The following LSM12 variants were observed in gnomAD, a reference collection of about 807,000 sequenced individuals.
The protein encoded by LSM12 is protein LSM12.
For synonymous variants in LSM12, 74 were observed against 87.3 expected (o/e 0.85, Z 0.85); for missense variants, 108 against 238.9 (o/e 0.45, Z 3.61).
At chr17:44,047,069 A>G (rs2049579194) in intron 2 of LSM12, among the ~76,000 whole-genome samples, 2 of 151,980 alleles carry the variant, frequency 1.3e-5, no homozygotes, top group South Asian at 4.1e-4. Context: ...CTACTCACCA[A>G]CACTGGGTAC....
chr17:44,063,753 C>T, intron 2 of LSM12, 48 bp downstream of exon 2: 2 of 1,573,508 alleles, frequency 1.3e-6, no homozygotes, highest in Non-Finnish European at 1.7e-6. Flanking sequence ...CAATGAGACT[C>T]ATCTTTCCCA....
At chr17:44,049,287 T>C (rs995947542) in intron 2 of LSM12, among the ~76,000 whole-genome samples, 3 of 152,180 alleles carry the variant, frequency 2.0e-5, no homozygotes, top group Admixed American at 6.6e-5. Flanking sequence ...TTGTTTGTTT[T>C]TGTTTTTAAG....
chr17:44,041,789 G>C (rs2049498360), intron 2 of LSM12, among the ~76,000 whole-genome samples: 1 of 152,138 alleles, frequency 6.6e-6, no homozygotes, highest in African/African-American at 2.4e-5. Flanking sequence ...GTACAAATTT[G>C]TTTGAGTGTA....
chr17:44,054,132 T>A (rs1203533973), intron 2 of LSM12, among the ~76,000 whole-genome samples: 1 of 152,116 alleles, frequency 6.6e-6, no homozygotes. Flanking sequence ...GCCAAGAAGG[T>A]CCCCTTGGGA....
At position 44,036,086 on chromosome 17, in the gene LSM12, G is replaced by A. The variant is rs1229241652; in HGVS notation, c.*122C>T. On this transcript the variant is annotated 3_prime_UTR_variant, in exon 5 of 5. Transcript: ENST00000293406. Reference sequence around the variant, plus strand: ...TTCAAGTCTAAGATTTGGAAATGCTGACCCTTTGTTAAGAGCCAACAGGAC... The same window carrying A: ...TTCAAGTCTAAGATTTGGAAATGCTAACCCTTTGTTAAGAGCCAACAGGAC... The A allele has an allele frequency of 9.4e-6, 7 of 744,992 alleles. No individual in the cohort carries two copies. Among genetic ancestry groups the A allele is most frequent in the South Asian group, 1.9e-5 (1 of 51,642 alleles). 46.1% of individuals were successfully genotyped at this position (744,992 alleles called of 1,614,324 possible).
At chr17:44,053,897 GAA>G (rs1000235787) in intron 2 of LSM12, among the ~76,000 whole-genome samples, 1 of 152,094 alleles carries the variant, frequency 6.6e-6, no homozygotes, top group Non-Finnish European at 1.5e-5. Flanking sequence ...TTCTCTGCCA[GAA>G]AAAGTTTTAG....
intron 2 of LSM12, among the ~76,000 whole-genome samples, chr17:44,058,540 A>G (rs1445866456): frequency 6.6e-6 from 1 of 151,898 alleles, no homozygotes; most frequent in African/African-American, 2.4e-5. Flanking sequence ...TGTCTCTACA[A>G]AAAAAAACTA....
chr17:44,053,138 A>G (rs1411728339), intron 2 of LSM12, among the ~76,000 whole-genome samples: 1 of 152,036 alleles, frequency 6.6e-6, no homozygotes, highest in Non-Finnish European at 1.5e-5. Context: ...CTCCACTGTC[A>G]CATCTGAAGT....
chr17:44,048,190 A>T (rs1010060751), intron 2 of LSM12, among the ~76,000 whole-genome samples: 1 of 151,622 alleles, frequency 6.6e-6, no homozygotes, highest in Admixed American at 6.6e-5. Flanking sequence ...ACATAGAAAA[A>T]TTTTTTCCAG....
chr17:44,048,790 C>T (rs1454863844), intron 2 of LSM12, among the ~76,000 whole-genome samples: 1 of 152,154 alleles, frequency 6.6e-6, no homozygotes, highest in East Asian at 1.9e-4. Flanking sequence ...AAACACAGTC[C>T]TTGTATACTA....
intron 1 of LSM12, among the ~76,000 whole-genome samples, chr17:44,064,741 A>C (rs2049847414): frequency 2.0e-5 from 3 of 152,206 alleles, no homozygotes; most frequent in Non-Finnish European, 4.4e-5. Context: ...TCAAAAAAAA[A>C]AAAAAAAAAG....
intron 2 of LSM12, among the ~76,000 whole-genome samples, chr17:44,051,075 C>CAGA (rs1384912188): frequency 6.6e-6 from 1 of 151,976 alleles, no homozygotes; most frequent in Non-Finnish European, 1.5e-5. Context: ...AGATTGAGAC[C>CAGA]ATCTTGGCCA....
At chr17:44,042,231 G>A (rs1247736819) in intron 2 of LSM12, among the ~76,000 whole-genome samples, 2 of 151,796 alleles carry the variant, frequency 1.3e-5, no homozygotes, top group African/African-American at 4.8e-5. Flanking sequence ...AGACTGCAGT[G>A]AGCCGAGATT....
At chr17:44,057,210 C>A (rs1176181473) in intron 2 of LSM12, among the ~76,000 whole-genome samples, 1 of 148,122 alleles carries the variant, frequency 6.8e-6, no homozygotes, top group Admixed American at 6.7e-5. Context: ...AGTGCAGTGG[C>A]GCGATCTCAG....
chr17:44,057,013 G>A (rs1017147664), intron 2 of LSM12, among the ~76,000 whole-genome samples: 3 of 151,220 alleles, frequency 2.0e-5, no homozygotes, highest in Non-Finnish European at 3.0e-5. Context: ...AAAATAAGAC[G>A]GACGTGGTGG....
At chr17:44,060,219 T>C (rs2049778789) in intron 2 of LSM12, among the ~76,000 whole-genome samples, 1 of 152,162 alleles carries the variant, frequency 6.6e-6, no homozygotes, top group African/African-American at 2.4e-5. Flanking sequence ...TTCTCCAGAC[T>C]GCAAGCAACT....
intron 2 of LSM12, among the ~76,000 whole-genome samples, chr17:44,054,493 A>G (rs1286254402): frequency 6.6e-6 from 1 of 152,028 alleles, no homozygotes; most frequent in African/African-American, 2.4e-5. Flanking sequence ...TATTTTTTGT[A>G]CAGACAGGGT....
At chr17:44,064,664 C>T (rs2049845762) in intron 1 of LSM12, among the ~76,000 whole-genome samples, 2 of 147,356 alleles carry the variant, frequency 1.4e-5, no homozygotes, top group Non-Finnish European at 1.5e-5. Flanking sequence ...ACACGGGAGG[C>T]GGAGGTTGCA....
intron 1 of LSM12, among the ~76,000 whole-genome samples, chr17:44,065,186 G>T (rs1265417914): frequency 6.6e-6 from 1 of 151,810 alleles, no homozygotes; most frequent in Non-Finnish European, 1.5e-5. Context: ...TGTAATCCCA[G>T]CACTTTGGGA....
Sources: allele counts gnomAD v4.1 joint callset (sites outside exome capture counted in the v4.1 genomes callset), GRCh38; gene constraint gnomAD v4.1.1; transcripts MANE v1.5; gene names NCBI Gene and HGNC (gene_info 2026-07-23, HGNC 2026-07-21).